The following DENND2A variants were observed in gnomAD, a reference collection of about 807,000 sequenced individuals.
The protein encoded by DENND2A is DENN domain containing 2A.
DENND2A carries 53 observed loss-of-function variants against 105.3 expected under a neutral mutation model. That is an observed-to-expected ratio of 0.50 (90% CI 0.40 to 0.63). The LOEUF (loss-of-function observed/expected upper bound fraction) is 0.63. Ranked by LOEUF, DENND2A falls within the 30% of genes least tolerant of loss-of-function variation. DENND2A has a pLI of 0.00. For synonymous variants in DENND2A, 522 were observed against 508.4 expected (o/e 1.03, Z -0.36); for missense variants, 1,138 against 1,279.6 (o/e 0.89, Z 1.69).
chr7:140,558,251 C>A (rs1431432514), intron 10 of DENND2A, 39 bp from the exon 11 acceptor site: 1 of 1,554,434 alleles, frequency 6.4e-7, no homozygotes, highest in East Asian at 2.3e-5. Flanking sequence ...TAAAGCAAAA[C>A]AAAACCAAAG....
intron 1 of DENND2A, among the ~76,000 whole-genome samples, chr7:140,626,349 C>T (rs1053715041): frequency 6.6e-6 from 1 of 152,178 alleles, no homozygotes; most frequent in Non-Finnish European, 1.5e-5. Context: ...GGCTTCTTTT[C>T]CCTCTGAAGG....
At chr7:140,622,838 C>T (rs1448718101) in intron 1 of DENND2A, among the ~76,000 whole-genome samples, 1 of 152,238 alleles carries the variant, frequency 6.6e-6, no homozygotes, top group East Asian at 1.9e-4. Flanking sequence ...TTCCAAAGTG[C>T]TGGGATTACA....
chr7:140,595,062 A>G (rs1319468423), intron 3 of DENND2A, among the ~76,000 whole-genome samples: 1 of 151,266 alleles, frequency 6.6e-6, no homozygotes, highest in Non-Finnish European at 1.5e-5. Context: ...GCTAGAATGC[A>G]GTGGCAGGAT....
At chr7:140,627,686 TA>T (rs1191730657) in intron 1 of DENND2A, among the ~76,000 whole-genome samples, 2 of 151,736 alleles carry the variant, frequency 1.3e-5, no homozygotes, top group Non-Finnish European at 2.9e-5. Context: ...AACAACTGGC[TA>T]ATTTTTTTTT....
Position 140,587,799 on chromosome 7 carries a change from G to A in DENND2A, c.996-19C>T, listed in dbSNP as rs745918940. 1 of 1,529,440 alleles carries A rather than the reference G, an allele frequency of 6.5e-7. No homozygotes were observed. Among genetic ancestry groups the A allele is most frequent in the Non-Finnish European group, 8.8e-7 (1 of 1,133,114 alleles). 94.7% of individuals were successfully genotyped at this position (1,529,440 alleles called of 1,614,324 possible). On this transcript the variant is annotated intron_variant, in intron 3 of 19. Coordinates refer to ENST00000496613, the MANE Select transcript of DENND2A (RefSeq NM_015689.5). ...GGACTTTCTGGAATGTGCCAGATGG[G>A]AGGAAAAAACAAAGAATTTGAATCA... is the stretch of plus-strand genomic sequence containing the variant.
intron 1 of DENND2A, among the ~76,000 whole-genome samples, chr7:140,620,261 GA>G (rs1310919521): frequency 6.9e-6 from 1 of 145,888 alleles, no homozygotes; most frequent in Non-Finnish European, 1.5e-5. Flanking sequence ...TTATTAAATG[GA>G]AAAAACGTTC....
In DENND2A at chr7:140,630,974, G is replaced by T. The variant is rs1800714368; in HGVS notation, c.-248+9530C>A. On this transcript the variant is annotated intron_variant, in intron 1 of 19. Coordinates refer to ENST00000496613, the MANE Select transcript of DENND2A (RefSeq NM_015689.5). ...ATGGCCAGATCTTGGCAGGGGGAGA[G>T]TTAGTGGTCCTGGGAGTGTGGGACA... is the stretch of plus-strand genomic sequence containing the variant. Among the ~76,000 whole-genome samples the T allele has an allele frequency of 2.0e-5, 3 of 152,314 alleles. No homozygotes were observed. In the South Asian group the frequency reaches 6.2e-4, roughly 32 times the overall value.
In DENND2A at chr7:140,587,772, T is replaced by G. The variant is rs1378446181; in HGVS notation, c.1004A>C (p.Tyr335Ser). The change falls in exon 4 of 20, where the codon TAT (tyrosine) becomes TCT (serine). Residue 335 changes from tyrosine (Y) to serine (S), a missense_variant. Coordinates refer to ENST00000496613, the MANE Select transcript of DENND2A (RefSeq NM_015689.5). Reference sequence around the variant, plus strand: ...AGACTGCAGTAAATCTTCAAACTCATAGGACTTTCTGGAATGTGCCAGATG... The same window carrying G: ...AGACTGCAGTAAATCTTCAAACTCAGAGGACTTTCTGGAATGTGCCAGATG... ...QKSSADHRKS[Y>S]EFEDLLQSSS... is the part of the protein sequence containing the mutation. 1 of 1,586,054 alleles carries G rather than the reference T, an allele frequency of 6.3e-7. No homozygotes were observed. The highest frequency in any genetic ancestry group is 8.6e-7 in the Non-Finnish European group (1 of 1,161,082).
At chr7:140,528,121 G>A (rs1370702299) in intron 14 of DENND2A, among the ~76,000 whole-genome samples, 7 of 152,040 alleles carry the variant, frequency 4.6e-5, no homozygotes, top group East Asian at 1.9e-4. Context: ...GATTACAGGC[G>A]TGAGCCACCA....
intron 1 of DENND2A, among the ~76,000 whole-genome samples, chr7:140,606,082 C>T (rs2130695158): frequency 6.6e-6 from 1 of 152,132 alleles, no homozygotes; most frequent in African/African-American, 2.4e-5. Flanking sequence ...GTTCTGTTGC[C>T]CAGGCTGGAA....
chr7:140,617,241 C>T (rs986313605), intron 1 of DENND2A, among the ~76,000 whole-genome samples: 2 of 152,190 alleles, frequency 1.3e-5, no homozygotes, highest in South Asian at 2.1e-4. Context: ...GCACAAAGTG[C>T]GTGCACCTTT....
intron 1 of DENND2A, among the ~76,000 whole-genome samples, chr7:140,630,630 A>G (rs1285799377): frequency 6.6e-6 from 1 of 152,124 alleles, no homozygotes; most frequent in Non-Finnish European, 1.5e-5. Flanking sequence ...GGATCATTTG[A>G]GGTCAGGAGT....
At chr7:140,554,717 G>A (rs1313533477) in intron 12 of DENND2A, among the ~76,000 whole-genome samples, 1 of 152,168 alleles carries the variant, frequency 6.6e-6, no homozygotes, top group Non-Finnish European at 1.5e-5. Flanking sequence ...TAGCTTTTGA[G>A]ATCAGCATCA....
intron 3 of DENND2A, among the ~76,000 whole-genome samples, chr7:140,588,696 G>T (rs1798885640): frequency 6.6e-6 from 1 of 151,784 alleles, no homozygotes; most frequent in African/African-American, 2.4e-5. Context: ...GCCTCCCAAA[G>T]TGCTGGGATT....
chr7:140,617,992 T>C (rs902835298), intron 1 of DENND2A, among the ~76,000 whole-genome samples: 2 of 152,228 alleles, frequency 1.3e-5, no homozygotes, highest in African/African-American at 4.8e-5. Context: ...CTTGACAATA[T>C]TTGCAAATCA....
In DENND2A at chr7:140,519,693, C is replaced by G; in HGVS notation, c.2937G>C (p.Glu979Asp). ...CTCCACTGGGGAGTGTTTCCAGATA[C>G]TCTTGGGCTCGGACCTCAAACAGAC... ...AKGLFEVRAQ[E>D]YLETLPSGEH... Residue 979 changes from glutamate (E) to aspartate (D), a missense_variant, in exon 19 of 20, where the codon GAG becomes GAC. By Grantham distance (45) the Glu-to-Asp change is conservative. Transcript: ENST00000496613. The G allele has an allele frequency of 1.9e-6, 3 of 1,614,126 alleles. No homozygotes were observed. Among genetic ancestry groups the G allele is most frequent in the Non-Finnish European group, 2.5e-6 (3 of 1,180,030 alleles).
intron 11 of DENND2A, among the ~76,000 whole-genome samples, chr7:140,556,806 T>C (rs1318804145): frequency 2.0e-5 from 3 of 152,222 alleles, no homozygotes; most frequent in African/African-American, 7.2e-5. Flanking sequence ...TTCAGCCTAT[T>C]TCAGAGACTC....
rs542822894 is a variant in DENND2A, at chr7:140,591,167, C to T, written c.996-3387G>A. Among the ~76,000 whole-genome samples the T allele has an allele frequency of 5.3e-5, 8 of 150,240 alleles. 1 individual carries two copies. Among genetic ancestry groups the T allele is most frequent in the African/African-American group, 2.0e-4 (8 of 40,892 alleles). On this transcript the variant is annotated intron_variant, in intron 3 of 19. Transcript: ENST00000496613. ...CAAAAATTAACTGGGTGTGGTGGGG[C>T]ACACCTATAGCCCCAGTTACTTGGG... is the stretch of plus-strand genomic sequence containing the variant.
chr7:140,537,253 C>T (rs953075687), intron 14 of DENND2A, among the ~76,000 whole-genome samples: 23 of 152,198 alleles, frequency 1.5e-4, no homozygotes, highest in Non-Finnish European at 2.6e-4. Flanking sequence ...TGAACCAAAC[C>T]GAACAAATAA....
Sources: gnomAD v4.1 joint callset for allele counts (sites outside exome capture counted in the v4.1 genomes callset) on GRCh38, gnomAD v4.1.1 for gene constraint, MANE v1.5 for transcripts, NCBI Gene and HGNC (gene_info 2026-07-23, HGNC 2026-07-21) for gene names.